Variants in CDC25C observed in about 807,000 individuals in gnomAD.
CDC25C encodes M-phase inducer phosphatase 3.
CDC25C carries 48 observed loss-of-function variants against 52.5 expected under a neutral mutation model. The observed-to-expected ratio is 0.91, with a 90% CI of 0.72 to 1.16. The LOEUF is 1.16. Among genes scored for constraint, CDC25C ranks in the 50% most tolerant of loss-of-function variants. The pLI is 0.00. For synonymous variants in CDC25C, 187 were observed against 206.5 expected (o/e 0.91, Z 0.81); for missense variants, 510 against 566.1 (o/e 0.90, Z 1.01).
chr5:138,320,286 C>T (rs1561710250), intron 6 of CDC25C, among the ~76,000 whole-genome samples: 1 of 151,630 alleles, frequency 6.6e-6, no homozygotes, highest in Non-Finnish European at 1.5e-5. Flanking sequence ...GCCTGGGTGA[C>T]AGGGCAAAGA....
chr5:138,304,970 C>T (rs1757896179), intron 7 of CDC25C, among the ~76,000 whole-genome samples: 1 of 152,114 alleles, frequency 6.6e-6, no homozygotes, highest in South Asian at 2.1e-4. Flanking sequence ...GCCTAAAGAC[C>T]CTGCGTGATC....
intron 7 of CDC25C, among the ~76,000 whole-genome samples, chr5:138,298,678 A>T (rs779874701): frequency 7.9e-5 from 12 of 151,792 alleles, no homozygotes; most frequent in Non-Finnish European, 1.6e-4. Flanking sequence ...TGAACCTGGG[A>T]GGCGGAAGTT....
chr5:138,306,159 A>T (rs535497774), intron 7 of CDC25C, among the ~76,000 whole-genome samples: 39 of 152,128 alleles, frequency 2.6e-4, no homozygotes, highest in African/African-American at 9.2e-4. Flanking sequence ...GTTCCTCAGT[A>T]CCCTCCAGAA....
intron 7 of CDC25C, among the ~76,000 whole-genome samples, chr5:138,314,651 C>T (rs1447739279): frequency 6.8e-6 from 1 of 148,034 alleles, no homozygotes; most frequent in Non-Finnish European, 1.5e-5. Flanking sequence ...TCTTGTTGCC[C>T]AGGCTGGAGT....
chr5:138,290,748 T>C lies in CDC25C; in HGVS notation c.763-8A>G. ...CTTCTTTAAACATAAGCCCTGAAGA[T>C]GACAAGATTCCCACCCCACACCCAA... is the stretch of plus-strand genomic sequence containing the variant. On this transcript the variant is annotated splice_region_variant and splice_polypyrimidine_tract_variant and intron_variant, in intron 8 of 13. Transcript: ENST00000323760. The C allele has an allele frequency of 6.5e-7, 1 of 1,537,572 alleles. No homozygotes were observed. The highest frequency in any genetic ancestry group is 9.0e-7 in the Non-Finnish European group (1 of 1,110,466).
At chr5:138,298,523 G>A (rs1447849147) in intron 7 of CDC25C, among the ~76,000 whole-genome samples, 1 of 151,908 alleles carries the variant, frequency 6.6e-6, no homozygotes, top group Non-Finnish European at 1.5e-5. Context: ...AGGCTGAGGC[G>A]GGCAGATCAC....
chr5:138,330,747 G>A (rs1274487977), intron 2 of CDC25C, among the ~76,000 whole-genome samples: 2 of 152,118 alleles, frequency 1.3e-5, no homozygotes, highest in Non-Finnish European at 2.9e-5. Context: ...AGACTCAGGC[G>A]ATCCGCCCTC....
chr5:138,330,776 G>A (rs183730208), intron 2 of CDC25C, among the ~76,000 whole-genome samples: 5 of 152,274 alleles, frequency 3.3e-5, no homozygotes, highest in Admixed American at 2.6e-4. Flanking sequence ...CCCAAAGTGC[G>A]GAGATTACAG....
intron 9 of CDC25C, 79 bp downstream of exon 9, chr5:138,290,560 C>T: frequency 1.2e-6 from 1 of 821,924 alleles, no homozygotes; most frequent in South Asian, 1.4e-5. Flanking sequence ...CATATTTACA[C>T]CAGGCATTCT....
At chr5:138,307,566 A>G (rs542466182) in intron 7 of CDC25C, among the ~76,000 whole-genome samples, 9 of 151,996 alleles carry the variant, frequency 5.9e-5, no homozygotes, top group African/African-American at 2.2e-4. Flanking sequence ...AAGAGTTACA[A>G]TCTAAGAAAA....
At position 138,289,523 on chromosome 5, in the gene CDC25C, A is replaced by T; in HGVS notation, c.905T>A (p.Leu302Gln). Residue 302 changes from leucine (L) to glutamine (Q), a missense_variant, in exon 10 of 14, where the codon CTG (leucine) becomes CAG (glutamine). Physicochemically the swap from Leu to Gln is moderately radical, Grantham distance 113. Transcript: ENST00000323760. ...LPTVSGKHQD[L>Q]KYVNPETVAA... ...TACTGTTTCTGGGTTGACATACTTC[A>T]GATCTTGGTGTTTCCCTGACACGGT... The T allele has an allele frequency of 1.9e-6, 3 of 1,613,768 alleles. No homozygotes were observed. Among genetic ancestry groups the T allele is most frequent in the Non-Finnish European group, 2.5e-6 (3 of 1,179,642 alleles).
At position 138,338,039 on chromosome 5, in the gene CDC25C, G is replaced by C. The variant is rs1455142177; in HGVS notation, c.-71C>G. ...CACTTTCTGCGATATTTTGGAGGGG[G>C]TGACTCGTTAGTGAGGAAACCACCC... On this transcript the variant is annotated 5_prime_UTR_variant, in exon 1 of 6. Transcript: ENST00000510119. The C allele has an allele frequency of 9.3e-6, 12 of 1,289,742 alleles. No individual in the cohort carries two copies. In the South Asian group the frequency reaches 1.5e-4, roughly 16 times the overall value. The allele number at this position is 1,289,742 out of a possible 1,614,324, so 79.9% of individuals were successfully genotyped here.
At chr5:138,326,385 C>T (rs1759858514) in intron 4 of CDC25C, among the ~76,000 whole-genome samples, 3 of 151,880 alleles carry the variant, frequency 2.0e-5, no homozygotes, top group South Asian at 4.2e-4. Flanking sequence ...CTGGCTCTGT[C>T]ACTCAGGCTG....
Position 138,315,867 on chromosome 5 carries a change from G to A in CDC25C, c.615+3352C>T, listed in dbSNP as rs1758829180. On this transcript the variant is annotated intron_variant, in intron 7 of 13. Coordinates refer to ENST00000323760, the MANE Select transcript of CDC25C (RefSeq NM_001790.5). Reference sequence around the variant, plus strand: ...TGCTGCTGTCATCAAACTGGCTGCAGCAGAGAGGTATGGATAGGGCTGCAT... The same window carrying A: ...TGCTGCTGTCATCAAACTGGCTGCAACAGAGAGGTATGGATAGGGCTGCAT... Among the ~76,000 whole-genome samples, 2 of 152,236 alleles carry A rather than the reference G, an allele frequency of 1.3e-5. 1 individual carries two copies. Among genetic ancestry groups the A allele is most frequent in the Admixed American group, 1.3e-4 (2 of 15,290 alleles).
At position 138,285,487 on chromosome 5, in the gene CDC25C, A is replaced by G. The variant is rs1756129775; in HGVS notation, c.*205T>C. 1 of 596,680 alleles carries G rather than the reference A, an allele frequency of 1.7e-6. No individual in the cohort carries two copies. 37.0% of individuals were successfully genotyped at this position (596,680 alleles called of 1,614,324 possible). A position where few individuals can be genotyped will look rare whatever the true frequency, so the allele number is the denominator to read the frequency against. On this transcript the variant is annotated 3_prime_UTR_variant, in exon 14 of 14. Coordinates refer to ENST00000323760, the MANE Select transcript of CDC25C (RefSeq NM_001790.5). Reference sequence around the variant, plus strand: ...TCTATGCAACTCAAGGCTGCCTTATAGAGCCAGCTCCAGGACTCTGCCACC... The same window carrying G: ...TCTATGCAACTCAAGGCTGCCTTATGGAGCCAGCTCCAGGACTCTGCCACC...
rs1756259931 is a variant in CDC25C, at chr5:138,286,604, T to C, written c.1053A>G (p.Glu351=). Residue 351 remains glutamate, a synonymous_variant, in exon 12 of 14, where the codon GAA becomes GAG. Coordinates refer to ENST00000323760, the MANE Select transcript of CDC25C (RefSeq NM_001790.5). ...IQGALNLYSQ[E]ELFNFFLKKP... The stretch of plus-strand genomic sequence containing the variant: ...TCTTCAGAAAGAAGTTAAACAGTTC[T>C]TCCTGACTATATAAGTTTAAGGCTC... The C allele has an allele frequency of 6.2e-7, 1 of 1,613,702 alleles. No homozygotes were observed. Among genetic ancestry groups the C allele is most frequent in the Non-Finnish European group, 8.5e-7 (1 of 1,179,708 alleles).
At chr5:138,305,116 T>C (rs1757910346) in intron 7 of CDC25C, among the ~76,000 whole-genome samples, 1 of 152,220 alleles carries the variant, frequency 6.6e-6, no homozygotes. Context: ...CATGAAATGC[T>C]CCTGCCTCTA....
Position 138,319,391 on chromosome 5 carries a change from CAACATTAAA to C in CDC25C, c.460-26_460-18del. On this transcript the variant is annotated intron_variant, in intron 6 of 13. Coordinates refer to ENST00000323760, the MANE Select transcript of CDC25C (RefSeq NM_001790.5). Reference sequence around the variant, plus strand: ...TCCATTGTCCTGTCAAGTATATTGACAACATTAAAAACTATTCAAAATATATCAAAGTTC... The same window carrying C: ...TCCATTGTCCTGTCAAGTATATTGACAACTATTCAAAATATATCAAAGTTC... 6.3e-7 allele frequency: 1 copy of C among 1,590,664 alleles called. No homozygotes were observed. Among genetic ancestry groups the C allele is most frequent in the Non-Finnish European group, 8.6e-7 (1 of 1,167,378 alleles).
intron 7 of CDC25C, among the ~76,000 whole-genome samples, chr5:138,303,866 T>C (rs1183755635): frequency 6.6e-6 from 1 of 152,256 alleles, no homozygotes; most frequent in Non-Finnish European, 1.5e-5. Flanking sequence ...AGTGAATAAA[T>C]GAATGAATGA....
Sources: allele counts gnomAD v4.1 joint callset (sites outside exome capture counted in the v4.1 genomes callset), GRCh38; gene constraint gnomAD v4.1.1; transcripts MANE v1.5; gene names NCBI Gene and HGNC (gene_info 2026-07-23, HGNC 2026-07-21).